The following GPC6 variants were observed in gnomAD, a reference collection of about 807,000 sequenced individuals.
GPC6 encodes the protein glypican-6.
GPC6 carries 14 observed loss-of-function variants against 55.2 expected under a neutral mutation model. The observed-to-expected ratio is 0.25, with a 90% confidence interval of 0.17 to 0.40. GPC6 has a LOEUF of 0.40. GPC6 is among the 10% of genes least tolerant of loss of function. The probability of loss-of-function intolerance (pLI) is 1.00; values close to 1 mark genes in which losing one functional copy is unlikely to be tolerated. For missense variants in GPC6, 641 were observed against 708.5 expected (o/e 0.90, Z 1.08); for synonymous variants, 278 against 259.6 (o/e 1.07, Z -0.68).
At position 93,591,239 on chromosome 13, in the gene GPC6, G is replaced by A. The variant is rs186008479; in HGVS notation, c.319+45818G>A. 4.3e-3 allele frequency among the ~76,000 whole-genome samples: 652 copies of A among 151,840 alleles called. 3 individuals carry two copies. Among genetic ancestry groups the A allele is most frequent in the Middle Eastern group, 0.021 (6 of 288 alleles). ...AGCACTTCGGGAGGCCGAGGTGGGC[G>A]GATCATGAGGTCAGGATATCGAGCC... On this transcript the variant is annotated intron_variant, in intron 2 of 8. Transcript: ENST00000377047.
At chr13:93,986,700 A>C (rs1193178219) in intron 3 of GPC6, among the ~76,000 whole-genome samples, 1 of 152,196 alleles carries the variant, frequency 6.6e-6, no homozygotes, top group Non-Finnish European at 1.5e-5. Context: ...GAAGAATAAA[A>C]TGATCACTAT....
At chr13:93,217,902 A>T in the GPC6 span, among the ~76,000 whole-genome samples, 1 of 152,138 alleles carries the variant, frequency 6.6e-6, no homozygotes, top group African/African-American at 2.4e-5. Flanking sequence ...AAGCCCAAAG[A>T]TGTTTTTTTT....
intron 4 of GPC6, among the ~76,000 whole-genome samples, chr13:94,152,933 A>G (rs1466078565): frequency 1.3e-5 from 2 of 152,170 alleles, no homozygotes; most frequent in Non-Finnish European, 2.9e-5. Context: ...TGAAATCTAT[A>G]AGATTTGTAA....
intron 1 of GPC6, among the ~76,000 whole-genome samples, chr13:93,292,616 A>G (rs1282050765): frequency 1.3e-5 from 2 of 152,162 alleles, no homozygotes; most frequent in Non-Finnish European, 2.9e-5. Context: ...GGGTTGTGAA[A>G]TTTACACAGA....
intron 3 of GPC6, among the ~76,000 whole-genome samples, chr13:93,953,245 A>G (rs1359761074): frequency 2.0e-5 from 3 of 151,978 alleles, no homozygotes; most frequent in Non-Finnish European, 4.4e-5. Context: ...ACTTCTATTG[A>G]ACATTCTCAC....
intron 4 of GPC6, among the ~76,000 whole-genome samples, chr13:94,241,042 G>A (rs1347554837): frequency 6.6e-6 from 1 of 152,170 alleles, no homozygotes; most frequent in Non-Finnish European, 1.5e-5. Context: ...GTATTAGAAG[G>A]TGGAGCTTTT....
At chr13:93,450,802 C>G (rs905122690) in intron 1 of GPC6, 1 of 609,542 alleles carries the variant, frequency 1.6e-6, no homozygotes, top group Non-Finnish European at 2.1e-6. Flanking sequence ...TAAGCCATGA[C>G]AAGGAATTTG....
At chr13:93,750,318 G>C (rs1884534009) in intron 2 of GPC6, among the ~76,000 whole-genome samples, 1 of 152,162 alleles carries the variant, frequency 6.6e-6, no homozygotes. Context: ...AATACAAGGA[G>C]CTACTGCTGG....
intron 2 of GPC6, among the ~76,000 whole-genome samples, chr13:93,786,935 A>T (rs1885832634): frequency 6.6e-6 from 1 of 152,174 alleles, no homozygotes; most frequent in African/African-American, 2.4e-5. Flanking sequence ...GCCTTGAGCA[A>T]TTTGGGCTGG....
chr13:93,877,805 T>C (rs1193629944), intron 3 of GPC6, among the ~76,000 whole-genome samples: 2 of 152,098 alleles, frequency 1.3e-5, no homozygotes, highest in Admixed American at 6.6e-5. Context: ...CCCTTTCTTT[T>C]ACTTAGTCTT....
At chr13:94,311,055 T>C (rs1876218067) in intron 6 of GPC6, among the ~76,000 whole-genome samples, 1 of 151,996 alleles carries the variant, frequency 6.6e-6, no homozygotes, top group South Asian at 2.1e-4. Context: ...TTTCAGAGCA[T>C]TCAGAGCATT....
Position 94,113,110 on chromosome 13 carries a change from T to C in GPC6, c.877+85216T>C, listed in dbSNP as rs758390388. Among the ~76,000 whole-genome samples the C allele has an allele frequency of 2.0e-5, 3 of 152,152 alleles. No homozygotes were observed. In the South Asian group the frequency reaches 6.2e-4, roughly 31 times the overall value. On this transcript the variant is annotated intron_variant, in intron 4 of 8. Coordinates refer to ENST00000377047, the MANE Select transcript of GPC6 (RefSeq NM_005708.5). ...ACTTTTTCTCAGGCCTTGGAATACATTGGCAATCTCAAATAAAGTTCAAAG... is the reference window on the plus strand; with the variant it reads ...ACTTTTTCTCAGGCCTTGGAATACACTGGCAATCTCAAATAAAGTTCAAAG...
At chr13:93,300,787 A>T (rs1009230000) in intron 1 of GPC6, among the ~76,000 whole-genome samples, 3 of 152,190 alleles carry the variant, frequency 2.0e-5, no homozygotes, top group Admixed American at 6.5e-5. Flanking sequence ...TGGGAGGCCA[A>T]CGCAGGAGGA....
chr13:93,679,744 A>C (rs1291277478), intron 2 of GPC6, among the ~76,000 whole-genome samples: 1 of 152,068 alleles, frequency 6.6e-6, no homozygotes, highest in South Asian at 2.1e-4. Context: ...CAAGACCATT[A>C]CTAAAATGGA....
chr13:93,940,170 C>T (rs1200914706), intron 3 of GPC6, among the ~76,000 whole-genome samples: 1 of 152,058 alleles, frequency 6.6e-6, no homozygotes, highest in African/African-American at 2.4e-5. Flanking sequence ...TTAAAATTCT[C>T]CTTAGTAATT....
chr13:94,019,438 A>G (rs918618605), intron 3 of GPC6, among the ~76,000 whole-genome samples: 13 of 152,340 alleles, frequency 8.5e-5, no homozygotes, highest in African/African-American at 2.2e-4. Flanking sequence ...TCAGAAGCCA[A>G]GAAGTCGGAA....
chr13:93,542,149 G>C (rs888841372), intron 1 of GPC6, among the ~76,000 whole-genome samples: 1 of 152,096 alleles, frequency 6.6e-6, no homozygotes, highest in Admixed American at 6.5e-5. Context: ...GGGTTTTTAT[G>C]GTTTTAGGTC....
chr13:94,370,076 A>G (rs942455577), intron 6 of GPC6, among the ~76,000 whole-genome samples: 5 of 152,220 alleles, frequency 3.3e-5, no homozygotes, highest in African/African-American at 9.6e-5. Context: ...TCTTTAGCAA[A>G]TGAGTAGCTG....
At chr13:94,157,056 G>A (rs781703495) in intron 4 of GPC6, among the ~76,000 whole-genome samples, 2 of 152,174 alleles carry the variant, frequency 1.3e-5, no homozygotes, top group African/African-American at 4.8e-5. Context: ...GGTGGTCAGA[G>A]AGGCTGATGA....
Sources: allele counts gnomAD v4.1 joint callset (sites outside exome capture counted in the v4.1 genomes callset), GRCh38; gene constraint gnomAD v4.1.1; transcripts MANE v1.5; gene names NCBI Gene and HGNC (gene_info 2026-07-23, HGNC 2026-07-21).